THSD7B: variants seen among roughly 807,000 people sequenced by gnomAD.
The protein encoded by THSD7B is thrombospondin type 1 domain containing 7B.
A neutral mutation model predicts 213.6 loss-of-function variants in THSD7B; 138 were observed. The ratio of observed to expected loss-of-function variants is 0.65; its 90% CI spans 0.56 to 0.74. The LOEUF (loss-of-function observed/expected upper bound fraction) is 0.74, where lower values mean the gene tolerates loss of function less well. Ranked by LOEUF, THSD7B falls within the 30% of genes least tolerant of loss-of-function variation. The pLI, the probability that THSD7B is intolerant of heterozygous loss-of-function variation, is 0.00. For missense variants in THSD7B, 1,931 were observed against 1,991.5 expected, an observed-to-expected ratio of 0.97 and a Z score of 0.58; for synonymous variants, 742 against 687.0, an observed-to-expected ratio of 1.08 and a Z score of -1.25.
intron 2 of THSD7B, among the ~76,000 whole-genome samples, chr2:136,890,304 CT>C (rs70975723): frequency 0.76 from 8,195 of 10,724 alleles, 2,902 homozygotes; most frequent in Middle Eastern, 0.87. Flanking sequence ...TGTCCTACTC[CT>C]TCTTCTTCTT....
chr2:136,767,314 C>T (rs2558098), intron 1 of THSD7B, among the ~76,000 whole-genome samples: 70,134 of 151,968 alleles, frequency 0.46, 17,308 homozygotes, highest in East Asian at 0.66. Flanking sequence ...TTCACTTTGA[C>T]AGACTGCTGT....
intron 4 of THSD7B, among the ~76,000 whole-genome samples, chr2:137,101,195 GC>G (rs1212226301): frequency 6.6e-6 from 1 of 151,968 alleles, no homozygotes; most frequent in African/African-American, 2.4e-5. Flanking sequence ...GTGCCACCAT[GC>G]CTGGCTGATT....
intron 12 of THSD7B, among the ~76,000 whole-genome samples, chr2:137,375,850 G>T (rs1283626944): frequency 6.6e-6 from 1 of 152,172 alleles, no homozygotes; most frequent in Non-Finnish European, 1.5e-5. Context: ...TCTTGACATG[G>T]CATCAGCTTT....
chr2:137,303,392 A>G (rs1683653952), intron 12 of THSD7B, among the ~76,000 whole-genome samples: 1 of 151,994 alleles, frequency 6.6e-6, no homozygotes, highest in African/African-American at 2.4e-5. Flanking sequence ...ATGCAACTGT[A>G]TTTTCACAAT....
intron 15 of THSD7B, among the ~76,000 whole-genome samples, chr2:137,535,247 A>G (rs947667480): frequency 2.6e-5 from 4 of 151,852 alleles, no homozygotes; most frequent in South Asian, 2.1e-4. Context: ...CACTTGGCTG[A>G]AAGTTCATTA....
intron 7 of THSD7B, among the ~76,000 whole-genome samples, chr2:137,208,374 G>C (rs1681030437): frequency 6.6e-6 from 1 of 151,926 alleles, no homozygotes; most frequent in African/African-American, 2.4e-5. Flanking sequence ...GCGGAGGCCT[G>C]GGGAATTTCT....
intron 7 of THSD7B, 112 bp downstream of exon 7, chr2:137,171,050 A>G: frequency 8.6e-7 from 1 of 1,160,246 alleles, no homozygotes; most frequent in Non-Finnish European, 1.2e-6. Flanking sequence ...AGCCTTTCTT[A>G]TCCTTGAATA....
chr2:137,589,164 C>G lies in THSD7B; in HGVS notation c.3423+16608C>G, dbSNP rs117251606. On this transcript the variant is annotated intron_variant, in intron 17 of 27. Transcript: ENST00000409968. ...CTTTCCTGCCATTTGATTTTCTTTT[C>G]ACTTTTTTGGCTATTTACATTTCTT... Among the ~76,000 whole-genome samples, 170 of 152,270 alleles carry G rather than the reference C, an allele frequency of 1.1e-3. 5 individuals carry two copies. In the East Asian group the frequency reaches 0.029, roughly 26 times the overall value.
intron 2 of THSD7B, among the ~76,000 whole-genome samples, chr2:136,884,429 G>A (rs1394053206): frequency 6.6e-6 from 1 of 152,044 alleles, no homozygotes; most frequent in African/African-American, 2.4e-5. Flanking sequence ...ATAGGAAGGA[G>A]GCCAGGGGAA....
intron 15 of THSD7B, among the ~76,000 whole-genome samples, chr2:137,488,130 A>G (rs1207050352): frequency 2.0e-5 from 3 of 152,118 alleles, no homozygotes; most frequent in Non-Finnish European, 2.9e-5. Flanking sequence ...TAGATTTGAA[A>G]CCTAGTAAAA....
chr2:137,307,219 G>A (rs1009844516), intron 12 of THSD7B, among the ~76,000 whole-genome samples: 5 of 152,092 alleles, frequency 3.3e-5, no homozygotes, highest in Admixed American at 1.3e-4. Context: ...TATTAGATGA[G>A]AAGTTCAAGT....
chr2:137,117,360 G>T (rs10490742), intron 5 of THSD7B, among the ~76,000 whole-genome samples: 23,713 of 152,058 alleles, frequency 0.16, 2,029 homozygotes, highest in Middle Eastern at 0.19. Flanking sequence ...GTGAGTATTT[G>T]CCCAGTGAAG....
chr2:136,965,576 C>T (rs1374896182), intron 2 of THSD7B, among the ~76,000 whole-genome samples: 1 of 152,044 alleles, frequency 6.6e-6, no homozygotes, highest in Non-Finnish European at 1.5e-5. Context: ...TTTCCTGAAC[C>T]TCACCAATGA....
intron 15 of THSD7B, among the ~76,000 whole-genome samples, chr2:137,468,075 G>A (rs2105088752): frequency 6.6e-6 from 1 of 152,280 alleles, no homozygotes; most frequent in African/African-American, 2.4e-5. Context: ...TCTCCAGAAT[G>A]TTTTGATCCA....
chr2:136,983,377 A>ACACACACACACACT lies in THSD7B; in HGVS notation c.140-73040_140-73039insACACACACACTCAC, dbSNP rs1342830898. On this transcript the variant is annotated intron_variant, in intron 2 of 27. Transcript: ENST00000409968. ...CACACAGACACACACACACGCACAC[A>ACACACACACACACT]CACTCACTCTCTCTCTCTCTGTCTG... Among the ~76,000 whole-genome samples the ACACACACACACACT allele has an allele frequency of 0.012, 1,803 of 146,378 alleles. 77 individuals are homozygous for ACACACACACACACT. The East Asian group carries it at 0.12, about 10-fold the overall frequency.
intron 7 of THSD7B, among the ~76,000 whole-genome samples, chr2:137,184,162 T>C (rs1680507908): frequency 6.6e-6 from 1 of 152,124 alleles, no homozygotes; most frequent in Non-Finnish European, 1.5e-5. Flanking sequence ...GGTGCCTTTT[T>C]CCTGCATCTT....
At chr2:137,002,090 A>G (rs1300249053) in intron 2 of THSD7B, among the ~76,000 whole-genome samples, 10 of 151,936 alleles carry the variant, frequency 6.6e-5, no homozygotes, top group African/African-American at 2.4e-4. Context: ...TCCGCATATG[A>G]CTGTTTTCTT....
intron 2 of THSD7B, among the ~76,000 whole-genome samples, chr2:137,010,491 A>T (rs905890183): frequency 6.6e-6 from 1 of 152,076 alleles, no homozygotes; most frequent in Non-Finnish European, 1.5e-5. Flanking sequence ...ATTTTTTTCT[A>T]TATTGGAAGA....
intron 1 of THSD7B, among the ~76,000 whole-genome samples, chr2:136,881,517 T>A (rs1171555045): frequency 6.6e-6 from 1 of 152,182 alleles, no homozygotes; most frequent in African/African-American, 2.4e-5. Flanking sequence ...ATAGAAAATT[T>A]GCAATACCAT....
Sources: allele counts gnomAD v4.1 joint callset (sites outside exome capture counted in the v4.1 genomes callset), GRCh38; gene constraint gnomAD v4.1.1; transcripts MANE v1.5; gene names NCBI Gene and HGNC (gene_info 2026-07-23, HGNC 2026-07-21).